The following ANKMY2 variants were observed in gnomAD, a reference collection of about 807,000 sequenced individuals.
ANKMY2 encodes the protein ankyrin repeat and MYND domain-containing protein 2.
ANKMY2 carries 36 observed loss-of-function variants against 50.4 expected under a neutral mutation model. The ratio of observed to expected loss-of-function variants is 0.71; its 90% CI spans 0.55 to 0.94. The LOEUF is 0.94. Ranked by LOEUF, ANKMY2 falls within the 40% of genes least tolerant of loss-of-function variation. The pLI is 0.00. For synonymous variants in ANKMY2, 187 were observed against 178.8 expected (o/e 1.05, Z -0.36); for missense variants, 565 against 524.0 (o/e 1.08, Z -0.76).
At position 16,645,439 on chromosome 7, in the gene ANKMY2, GC is replaced by G. The variant is rs960713783; in HGVS notation, c.67+67del. 15 of 1,472,482 alleles carry G rather than the reference GC, an allele frequency of 1.0e-5. No individual in the cohort carries two copies. The African/African-American group carries it at 1.7e-4, about 17-fold the overall frequency. The allele number at this position is 1,472,482 out of a possible 1,614,324, so 91.2% of individuals were successfully genotyped here. A position where few individuals can be genotyped will look rare whatever the true frequency, so the allele number is the denominator to read the frequency against. On this transcript the variant is annotated intron_variant, in intron 1 of 9. Transcript: ENST00000306999. ...GCCAAAGGTCACCCAGGCCAGGAGC[GC>G]CCCCCGGGCTCCGCCACGCCCCCCG... is the stretch of plus-strand genomic sequence containing the variant.
At chr7:16,634,202 C>T (rs570692843) in intron 2 of ANKMY2, among the ~76,000 whole-genome samples, 1 of 152,180 alleles carries the variant, frequency 6.6e-6, no homozygotes, top group African/African-American at 2.4e-5. Flanking sequence ...AAATTAGAAA[C>T]CGGTACTTCT....
intron 1 of ANKMY2, among the ~76,000 whole-genome samples, chr7:16,638,055 A>T (rs748342745): frequency 6.6e-6 from 1 of 152,244 alleles, no homozygotes; most frequent in Non-Finnish European, 1.5e-5. Flanking sequence ...TGCATGTATA[A>T]TGGAAAACAA....
chr7:16,607,865 G>A (rs1398076255), intron 7 of ANKMY2, among the ~76,000 whole-genome samples: 3 of 151,664 alleles, frequency 2.0e-5, no homozygotes, highest in African/African-American at 7.3e-5. Flanking sequence ...CAGAGGAGGA[G>A]TGTTTAGAAA....
At chr7:16,618,560 A>C (rs960441671) in intron 4 of ANKMY2, among the ~76,000 whole-genome samples, 1 of 152,060 alleles carries the variant, frequency 6.6e-6, no homozygotes, top group African/African-American at 2.4e-5. Context: ...CAGAACACCC[A>C]ATTTCTTTCT....
At chr7:16,638,279 G>A (rs1349565157) in intron 1 of ANKMY2, among the ~76,000 whole-genome samples, 2 of 152,192 alleles carry the variant, frequency 1.3e-5, no homozygotes, top group Non-Finnish European at 2.9e-5. Flanking sequence ...CACTTCAGAT[G>A]CCAATCATAA....
At chr7:16,643,955 C>G (rs934320640) in intron 1 of ANKMY2, among the ~76,000 whole-genome samples, 1 of 149,322 alleles carries the variant, frequency 6.7e-6, no homozygotes, top group Admixed American at 6.6e-5. Flanking sequence ...CTGCAGAGAG[C>G]TGCAACTCCA....
Position 16,645,685 on chromosome 7 carries a change from G to C in ANKMY2, c.-112C>G, listed in dbSNP as rs553160294. On this transcript the variant is annotated 5_prime_UTR_variant, in exon 1 of 10. Transcript: ENST00000306999. The stretch of plus-strand genomic sequence containing the variant: ...TGAGGCAACTTGAGACCAAGACACT[G>C]AGTAGCCAACCGCGGAAACGCTTCG... 4 of 1,184,410 alleles carry C rather than the reference G, an allele frequency of 3.4e-6. No homozygotes were observed. Among genetic ancestry groups the C allele is most frequent in the East Asian group, 5.6e-5 (2 of 35,508 alleles). The allele number at this position is 1,184,410 out of a possible 1,614,324, so 73.4% of individuals were successfully genotyped here.
chr7:16,624,239 T>G (rs1781479893), intron 4 of ANKMY2, among the ~76,000 whole-genome samples: 1 of 152,170 alleles, frequency 6.6e-6, no homozygotes, highest in African/African-American at 2.4e-5. Context: ...CTTACTGCAC[T>G]CCCAATAAAT....
At chr7:16,619,966 A>C (rs1400175722) in intron 4 of ANKMY2, among the ~76,000 whole-genome samples, 3 of 152,344 alleles carry the variant, frequency 2.0e-5, no homozygotes, top group East Asian at 3.9e-4. Flanking sequence ...CAAAACCAGA[A>C]CTTAGAAAAC....
intron 9 of ANKMY2, among the ~76,000 whole-genome samples, chr7:16,602,136 A>G (rs1381562650): frequency 6.6e-6 from 1 of 152,178 alleles, no homozygotes; most frequent in Non-Finnish European, 1.5e-5. Flanking sequence ...CCTAAGCTAG[A>G]ATGTAAAATA....
intron 6 of ANKMY2, 71 bp from the exon 7 acceptor site, chr7:16,609,836 T>C (rs1214032730): frequency 6.6e-7 from 1 of 1,521,934 alleles, no homozygotes; most frequent in Non-Finnish European, 8.9e-7. Flanking sequence ...AACCCAACAG[T>C]TTTTAGTAGT....
chr7:16,636,564 G>T, intron 1 of ANKMY2, 109 bp from the exon 2 acceptor site: 1 of 707,022 alleles, frequency 1.4e-6, no homozygotes, highest in Non-Finnish European at 2.3e-6. Flanking sequence ...AGTACATCTA[G>T]TCAGTGTAGG....
In ANKMY2 at chr7:16,645,726, C is replaced by A. The variant is rs541838126; in HGVS notation, c.-153G>T. 2.4e-5 allele frequency: 20 copies of A among 849,450 alleles called. No homozygotes were observed. In the African/African-American group the frequency reaches 3.0e-4, roughly 13 times the overall value. 52.6% of individuals were successfully genotyped at this position (849,450 alleles called of 1,614,324 possible). A position where few individuals can be genotyped will look rare whatever the true frequency, so the allele number is the denominator to read the frequency against. On this transcript the variant is annotated 5_prime_UTR_variant, in exon 1 of 10. Coordinates refer to ENST00000306999, the MANE Select transcript of ANKMY2 (RefSeq NM_020319.3). ...AAACGCTTCGCTTCTCTCCTCCCTC[C>A]CGCGGGCTGGCGGACAGCGGGCGAG...
At chr7:16,624,080 C>T (rs915454730) in intron 4 of ANKMY2, among the ~76,000 whole-genome samples, 4 of 152,054 alleles carry the variant, frequency 2.6e-5, no homozygotes, top group Admixed American at 1.3e-4. Context: ...TATGTGTTTT[C>T]GCACCATTTG....
intron 8 of ANKMY2, among the ~76,000 whole-genome samples, chr7:16,604,218 C>T (rs144068072): frequency 2.2e-3 from 336 of 152,256 alleles, no homozygotes; most frequent in Non-Finnish European, 3.0e-3. Context: ...ATCAGATATG[C>T]CTTTTACAAA....
rs79636821 is a variant in ANKMY2 at position 16,630,765 on chromosome 7, A to C, written c.133-3587T>G. ...AGCAAAGGAGAGTAGTGCCAGAGGG[A>C]AAGAGAAGACTATTATTTTAAAGAG... On this transcript the variant is annotated intron_variant, in intron 2 of 9. Transcript: ENST00000306999. Among the ~76,000 whole-genome samples, 117 of 152,322 alleles carry C rather than the reference A, an allele frequency of 7.7e-4. 2 individuals carry two copies. In the East Asian group the frequency reaches 0.022, roughly 28 times the overall value.
chr7:16,623,906 G>C (rs1245374048), intron 4 of ANKMY2, among the ~76,000 whole-genome samples: 1 of 151,970 alleles, frequency 6.6e-6, no homozygotes, highest in Non-Finnish European at 1.5e-5. Flanking sequence ...TCTATTAGTA[G>C]TTTCAAGAAA....
chr7:16,637,887 G>A (rs1222726254), intron 1 of ANKMY2, among the ~76,000 whole-genome samples: 1 of 152,232 alleles, frequency 6.6e-6, no homozygotes, highest in Non-Finnish European at 1.5e-5. Context: ...TTGTAAGCAT[G>A]TCAAAACCTG....
chr7:16,604,988 G>T (rs1050693119), intron 7 of ANKMY2, 139 bp from the exon 8 acceptor site: 3 of 809,316 alleles, frequency 3.7e-6, no homozygotes, highest in Non-Finnish European at 5.2e-6. Context: ...GATTACACAG[G>T]CTTTAAGACA....
Sources: allele counts gnomAD v4.1 joint callset (sites outside exome capture counted in the v4.1 genomes callset), GRCh38; gene constraint gnomAD v4.1.1; transcripts MANE v1.5; gene names NCBI Gene and HGNC (gene_info 2026-07-23, HGNC 2026-07-21).